The following RPIA variants were observed in gnomAD, a reference collection of about 807,000 sequenced individuals.
RPIA encodes ribose-5-phosphate isomerase.
RPIA carries 29 observed loss-of-function variants against 37.8 expected under a neutral mutation model. That is an observed-to-expected ratio of 0.77 (90% CI 0.57 to 1.05). The LOEUF (loss-of-function observed/expected upper bound fraction) is 1.05, where lower values mean the gene tolerates loss of function less well. Among genes scored for constraint, RPIA ranks in the 50% least tolerant of loss-of-function variants. The probability of loss-of-function intolerance (pLI) is 0.00; values close to 1 mark genes in which losing one functional copy is unlikely to be tolerated. For missense variants in RPIA, 385 were observed against 413.6 expected (o/e 0.93, Z 0.60); for synonymous variants, 167 against 157.0 (o/e 1.06, Z -0.48).
At chr2:88,737,190 T>G (rs1281060031) in intron 7 of RPIA, among the ~76,000 whole-genome samples, 2 of 152,230 alleles carry the variant, frequency 1.3e-5, no homozygotes, top group East Asian at 3.8e-4. Context: ...TCTCTTTAGC[T>G]TCTAAAGTGG....
chr2:88,735,521 T>C, intron 5 of RPIA, 148 bp from the exon 6 acceptor site: 1 of 755,298 alleles, frequency 1.3e-6, no homozygotes, highest in South Asian at 1.4e-5. Flanking sequence ...AGCAGCATGA[T>C]GGGACTGGGG....
At chr2:88,721,228 T>C (rs550874624) in intron 3 of RPIA, among the ~76,000 whole-genome samples, 1 of 151,846 alleles carries the variant, frequency 6.6e-6, no homozygotes, top group Non-Finnish European at 1.5e-5. Context: ...GGTGAGGGGC[T>C]AGGGGAGGAA....
chr2:88,736,914 ATTCT>A (rs1319439376), intron 7 of RPIA, among the ~76,000 whole-genome samples: 2 of 152,190 alleles, frequency 1.3e-5, no homozygotes, highest in Non-Finnish European at 2.9e-5. Flanking sequence ...TAGGGGAATG[ATTCT>A]TTCTCTGTGC....
At chr2:88,727,109 G>C (rs1673208337) in intron 3 of RPIA, among the ~76,000 whole-genome samples, 1 of 152,038 alleles carries the variant, frequency 6.6e-6, no homozygotes, top group Admixed American at 6.5e-5. Flanking sequence ...GCGCGCATGT[G>C]TGCGCGTGCA....
intron 1 of RPIA, among the ~76,000 whole-genome samples, chr2:88,692,581 C>A (rs571097354): frequency 2.0e-5 from 3 of 152,108 alleles, no homozygotes; most frequent in Non-Finnish European, 4.4e-5. Flanking sequence ...AGATGTTTAG[C>A]TGTTATTCAG....
chr2:88,718,860 A>G (rs1673068595), intron 3 of RPIA, among the ~76,000 whole-genome samples: 1 of 152,220 alleles, frequency 6.6e-6, no homozygotes, highest in African/African-American at 2.4e-5. Context: ...ACTTTACTAA[A>G]TTGTTAAAAG....
intron 3 of RPIA, among the ~76,000 whole-genome samples, chr2:88,701,893 A>T (rs1264658057): frequency 6.6e-6 from 1 of 152,224 alleles, no homozygotes; most frequent in Admixed American, 6.5e-5. Flanking sequence ...TGCAGTATTG[A>T]TAATATTTGT....
chr2:88,745,599 T>G lies in RPIA; in HGVS notation c.839-4382T>G, dbSNP rs1175156312. Among the ~76,000 whole-genome samples the G allele has an allele frequency of 6.6e-5, 10 of 152,250 alleles. No individual in the cohort carries two copies. The East Asian group carries it at 1.9e-3, about 29-fold the overall frequency. On this transcript the variant is annotated intron_variant, in intron 8 of 8. Coordinates refer to ENST00000283646, the MANE Select transcript of RPIA (RefSeq NM_144563.3). ...TTAATTTGTTTAAGGAGGCTAAAGA[T>G]AAGACCCCAATCCCTTCTGGCTTGT... is the stretch of plus-strand genomic sequence containing the variant.
chr2:88,720,233 T>A (rs933332096), intron 3 of RPIA, among the ~76,000 whole-genome samples: 1 of 145,966 alleles, frequency 6.9e-6, no homozygotes, highest in Admixed American at 7.0e-5. Context: ...AACCTTAATT[T>A]AAAAAAAAAT....
intron 6 of RPIA, 126 bp from the exon 7 acceptor site, chr2:88,736,409 G>T: frequency 1.1e-6 from 1 of 870,950 alleles, no homozygotes; most frequent in East Asian, 2.6e-5. Flanking sequence ...GTAGCCCCAT[G>T]TATATTGCCC....
intron 1 of RPIA, among the ~76,000 whole-genome samples, chr2:88,698,069 C>CTTCTTTCT (rs1261897641): frequency 1.3e-5 from 2 of 149,990 alleles, no homozygotes; most frequent in Non-Finnish European, 3.0e-5. Flanking sequence ...CTTTCTTCTT[C>CTTCTTTCT]TTCTTTCTTT....
intron 8 of RPIA, among the ~76,000 whole-genome samples, chr2:88,746,368 G>T (rs1054349793): frequency 6.6e-6 from 1 of 152,334 alleles, no homozygotes; most frequent in South Asian, 2.1e-4. Flanking sequence ...TTGTTTTCTA[G>T]TTCCTTCTCA....
At chr2:88,738,989 A>G (rs1453341492) in intron 8 of RPIA, among the ~76,000 whole-genome samples, 2 of 152,166 alleles carry the variant, frequency 1.3e-5, no homozygotes, top group East Asian at 3.9e-4. Flanking sequence ...CTTCTAATGC[A>G]GCTGTGCCAG....
chr2:88,708,470 A>T (rs1672922054), intron 3 of RPIA, among the ~76,000 whole-genome samples: 1 of 152,238 alleles, frequency 6.6e-6, no homozygotes, highest in African/African-American at 2.4e-5. Context: ...GCTAGACATT[A>T]TGGTATTTAA....
At chr2:88,726,162 A>C (rs1472759639) in intron 3 of RPIA, among the ~76,000 whole-genome samples, 1 of 152,116 alleles carries the variant, frequency 6.6e-6, no homozygotes, top group Non-Finnish European at 1.5e-5. Flanking sequence ...AGAAACAGAC[A>C]GTGCTCACCG....
intron 3 of RPIA, among the ~76,000 whole-genome samples, chr2:88,714,980 A>G (rs560436512): frequency 6.6e-6 from 1 of 152,356 alleles, no homozygotes; most frequent in South Asian, 2.1e-4. Flanking sequence ...TTAGAGGTAT[A>G]ACAAGTTTTA....
chr2:88,748,066 G>A (rs182974936), intron 8 of RPIA, among the ~76,000 whole-genome samples: 1 of 152,258 alleles, frequency 6.6e-6, no homozygotes, highest in Non-Finnish European at 1.5e-5. Context: ...TTAAACAGTG[G>A]CAAGTCCTCT....
chr2:88,744,634 T>A (rs1375781113), intron 8 of RPIA, among the ~76,000 whole-genome samples: 1 of 152,196 alleles, frequency 6.6e-6, no homozygotes, highest in Non-Finnish European at 1.5e-5. Context: ...TCTATCTCAT[T>A]TCTTAGGTCT....
intron 3 of RPIA, among the ~76,000 whole-genome samples, chr2:88,716,602 C>G (rs1467628212): frequency 1.3e-5 from 2 of 152,154 alleles, no homozygotes; most frequent in Non-Finnish European, 2.9e-5. Context: ...CTGGAAAATG[C>G]TGGCCCATTC....
Sources: gnomAD v4.1 joint callset for allele counts (sites outside exome capture counted in the v4.1 genomes callset) on GRCh38, gnomAD v4.1.1 for gene constraint, MANE v1.5 for transcripts, NCBI Gene and HGNC (gene_info 2026-07-23, HGNC 2026-07-21) for gene names.